AK9: variants seen among roughly 807,000 people sequenced by gnomAD.
The protein encoded by AK9 is adenylate kinase 9, also known as adenylate kinase domain containing 1.
Under a neutral mutation model 239.6 loss-of-function variants are expected in AK9, and 191 were observed. That is an observed-to-expected ratio of 0.80 (90% CI 0.71 to 0.90). AK9 has a LOEUF of 0.90. Ranked by LOEUF, AK9 falls within the 40% of genes least tolerant of loss-of-function variation. AK9 has a pLI of 0.00. For synonymous variants in AK9, 689 were observed against 721.0 expected (o/e 0.96, Z 0.71); for missense variants, 1,995 against 2,214.7 (o/e 0.90, Z 1.99).
At chr6:109,505,234 G>C (rs1178987070) in intron 35 of AK9, among the ~76,000 whole-genome samples, 1 of 152,122 alleles carries the variant, frequency 6.6e-6, no homozygotes, top group East Asian at 1.9e-4. Flanking sequence ...ATTTTTCTTT[G>C]TATAGGACTC....
intron 38 of AK9, among the ~76,000 whole-genome samples, chr6:109,496,999 C>T (rs186838035): frequency 6.6e-6 from 1 of 152,124 alleles, no homozygotes; most frequent in Non-Finnish European, 1.5e-5. Context: ...TCTGACCCTG[C>T]CCTCCACCTC....
chr6:109,607,543 G>A (rs1793039479), intron 17 of AK9, among the ~76,000 whole-genome samples: 1 of 152,088 alleles, frequency 6.6e-6, no homozygotes, highest in Non-Finnish European at 1.5e-5. Context: ...TAGGTTATAT[G>A]CAAATGTCAT....
At position 109,567,769 on chromosome 6, in the gene AK9, A is replaced by G. The variant is rs1250491325; in HGVS notation, c.2345-2924T>C. Reference sequence around the variant, plus strand: ...GAGGGGGGAGGGACAGCATTAGGAGATATACCTAATGCAAATGACGAGTTA... The same window carrying G: ...GAGGGGGGAGGGACAGCATTAGGAGGTATACCTAATGCAAATGACGAGTTA... On this transcript the variant is annotated intron_variant, in intron 21 of 40. Coordinates refer to ENST00000424296, the MANE Select transcript of AK9 (RefSeq NM_001145128.3). 4.9e-3 allele frequency among the ~76,000 whole-genome samples: 725 copies of G among 149,208 alleles called. 12 individuals carry two copies. The highest frequency in any genetic ancestry group is 0.017 in the African/African-American group (691 of 40,522).
intron 17 of AK9, among the ~76,000 whole-genome samples, chr6:109,592,661 T>C (rs1437784680): frequency 6.6e-6 from 1 of 152,094 alleles, no homozygotes; most frequent in Non-Finnish European, 1.5e-5. Flanking sequence ...TTAGCCAGGA[T>C]GGTCTCGATC....
intron 35 of AK9, among the ~76,000 whole-genome samples, chr6:109,505,632 C>T (rs542860602): frequency 8.8e-4 from 134 of 152,208 alleles, no homozygotes; most frequent in Admixed American, 3.0e-3. Flanking sequence ...CAATCATGGA[C>T]CCGTATAACT....
chr6:109,603,757 A>C (rs1792428299), intron 17 of AK9, among the ~76,000 whole-genome samples: 1 of 152,074 alleles, frequency 6.6e-6, no homozygotes, highest in African/African-American at 2.4e-5. Context: ...TTACCTACTC[A>C]AGCCTCAGCG....
intron 6 of AK9, 40 bp from the exon 7 acceptor site, chr6:109,659,453 A>C: frequency 6.4e-7 from 1 of 1,564,374 alleles, no homozygotes; most frequent in Non-Finnish European, 8.7e-7. Flanking sequence ...AACATTTTGA[A>C]TATGCTTTTA....
At chr6:109,628,525 G>A (rs991410168) in intron 12 of AK9, among the ~76,000 whole-genome samples, 1 of 152,172 alleles carries the variant, frequency 6.6e-6, no homozygotes, top group Admixed American at 6.5e-5. Flanking sequence ...CACGTTAGGA[G>A]GGTTAGTTCA....
chr6:109,690,593 C>CGG (rs1207625291), intron 1 of AK9: 1 of 152,088 alleles, frequency 6.6e-6, no homozygotes, highest in African/African-American at 2.4e-5. Context: ...GGCGGGGCCT[C>CGG]GAGAGGCGGG....
chr6:109,503,085 G>A (rs536591626), intron 35 of AK9, among the ~76,000 whole-genome samples: 1 of 151,936 alleles, frequency 6.6e-6, no homozygotes, highest in East Asian at 1.9e-4. Context: ...CAGATGAAAA[G>A]GCTAAGAAGT....
Position 109,545,963 on chromosome 6 carries a change from C to T in AK9, c.3129G>A (p.Glu1043=). 6.2e-7 allele frequency: 1 copy of T among 1,614,156 alleles called. No individual in the cohort carries two copies. Among genetic ancestry groups the T allele is most frequent in the Non-Finnish European group, 8.5e-7 (1 of 1,180,014 alleles). ...KTEKKVGPEF[E]EDSENEQAAK... ...CAGCTTGCTCGTTCTCAGAATCTTC[C>T]TCAAATTCAGGTCCCACTTTCTTTT... The change falls in exon 26 of 41, where the codon GAG becomes GAA. Residue 1043 remains glutamate (E), a synonymous_variant. Coordinates refer to ENST00000424296, the MANE Select transcript of AK9 (RefSeq NM_001145128.3).
chr6:109,606,201 G>T (rs897115769), intron 17 of AK9, among the ~76,000 whole-genome samples: 1 of 151,670 alleles, frequency 6.6e-6, no homozygotes, highest in Admixed American at 6.6e-5. Context: ...ACTATTTCTG[G>T]ATTCCCTTAC....
At chr6:109,659,441 A>T in intron 6 of AK9, 28 bp from the exon 7 acceptor site, 6 of 1,574,504 alleles carry the variant, frequency 3.8e-6, no homozygotes, top group Non-Finnish European at 5.2e-6. Context: ...TAAATCACTT[A>T]AAACATTTTG....
chr6:109,514,675 T>A (rs1179101357), intron 31 of AK9, among the ~76,000 whole-genome samples: 1 of 152,226 alleles, frequency 6.6e-6, no homozygotes, highest in Non-Finnish European at 1.5e-5. Flanking sequence ...ACAATTATAG[T>A]CCTTCTACTT....
intron 17 of AK9, among the ~76,000 whole-genome samples, chr6:109,608,147 C>T (rs1793132220): frequency 6.6e-6 from 1 of 151,888 alleles, no homozygotes; most frequent in Non-Finnish European, 1.5e-5. Context: ...GGCATGGTGG[C>T]ATACACCTGC....
intron 10 of AK9, among the ~76,000 whole-genome samples, chr6:109,635,559 A>G (rs903617836): frequency 5.3e-5 from 8 of 152,194 alleles, no homozygotes; most frequent in Non-Finnish European, 1.0e-4. Flanking sequence ...GGAGCATGTG[A>G]GGGACCCCAG....
chr6:109,595,590 T>G (rs1338563007), intron 17 of AK9, among the ~76,000 whole-genome samples: 2 of 152,160 alleles, frequency 1.3e-5, no homozygotes, highest in Non-Finnish European at 2.9e-5. Flanking sequence ...ACCCAAGACT[T>G]GGATCCAACC....
chr6:109,633,224 C>A lies in AK9; in HGVS notation c.1033G>T (p.Asp345Tyr). Residue 345 changes from aspartate to tyrosine, a missense_variant, in exon 11 of 41, where the codon GAT becomes TAT. By Grantham distance (160) the Asp-to-Tyr change is radical. Around this residue, in one of 5 missense-constraint regions of AK9, gnomAD observed 1,290 missense variants for 1,392.7 expected, o/e 0.93. Coordinates refer to ENST00000424296, the MANE Select transcript of AK9 (RefSeq NM_001145128.3). ...WGRTCPVNLKDGNIYSGLPDY... is the reference protein window; with the variant it reads ...WGRTCPVNLKYGNIYSGLPDY... ...GGTAATCCTGAATAAATGTTACCAT[C>A]TTTTAAATTCACAGGACATGTACGT... is the stretch of plus-strand genomic sequence containing the variant. 1 of 1,603,476 alleles carries A rather than the reference C, an allele frequency of 6.2e-7. No individual in the cohort carries two copies. Among genetic ancestry groups the A allele is most frequent in the South Asian group, 1.1e-5 (1 of 87,608 alleles).
intron 27 of AK9, among the ~76,000 whole-genome samples, chr6:109,541,499 C>T (rs1235120160): frequency 6.6e-6 from 1 of 152,214 alleles, no homozygotes; most frequent in Non-Finnish European, 1.5e-5. Context: ...CAACCTCTGT[C>T]TCCCGGGTTC....
Sources: allele counts gnomAD v4.1 joint callset (sites outside exome capture counted in the v4.1 genomes callset), GRCh38; gene constraint gnomAD v4.1.1; regional missense constraint gnomAD v4.1.1; transcripts MANE v1.5; gene names NCBI Gene and HGNC (gene_info 2026-07-23, HGNC 2026-07-21).